The following TCERG1L variants were observed in gnomAD, a reference collection of about 807,000 sequenced individuals.
TCERG1L encodes transcription elongation regulator 1-like protein.
In TCERG1L, 37 loss-of-function variants were observed where a neutral mutation model predicts 56.3. The observed-to-expected ratio is 0.66, with a 90% CI of 0.51 to 0.87. TCERG1L has a LOEUF of 0.87. Among genes scored for constraint, TCERG1L ranks in the 40% least tolerant of loss-of-function variants. TCERG1L has a pLI of 0.00. For synonymous variants in TCERG1L, 324 were observed against 326.3 expected (o/e 0.99, Z 0.08); for missense variants, 799 against 774.2 (o/e 1.03, Z -0.38).
chr10:131,098,816 GGCCTCCCACT>G (rs1341649646), intron 10 of TCERG1L, among the ~76,000 whole-genome samples: 3 of 152,168 alleles, frequency 2.0e-5, no homozygotes, highest in African/African-American at 7.2e-5. Context: ...TGTAACGCGC[GGCCTCCCACT>G]GCCTCATCAC....
intron 11 of TCERG1L, 114 bp downstream of exon 11, chr10:131,098,192 C>T (rs750048524): frequency 3.5e-6 from 4 of 1,134,310 alleles, no homozygotes; most frequent in African/African-American, 1.6e-5. Context: ...CTCACACTTT[C>T]GTGTCTGTGG....
Position 131,311,415 on chromosome 10 carries a change from AGCAGCGGGGCCGCGG to A in TCERG1L, c.206_220del (p.Pro69_Leu73del). ...GGCCGGCCAGCCGGGGAGACCGGGGAGCAGCGGGGCCGCGGGCGGCGGGGCCGAGGCGAGCAGCAC... is the reference window on the plus strand; with the variant it reads ...GGCCGGCCAGCCGGGGAGACCGGGGAGCGGCGGGGCCGAGGCGAGCAGCAC... On this transcript the variant is annotated inframe_deletion, in exon 1 of 12. Coordinates refer to ENST00000368642, the MANE Select transcript of TCERG1L (RefSeq NM_174937.4). The surrounding 1 kb of genome is among the most constrained non-coding windows in gnomAD (Gnocchi z 4.0). 8.5e-7 allele frequency: 1 copy of A among 1,178,432 alleles called. No individual in the cohort carries two copies. The highest frequency in any genetic ancestry group is 1.0e-6 in the Non-Finnish European group (1 of 955,924). The allele number at this position is 1,178,432 out of a possible 1,614,324, so 73.0% of individuals were successfully genotyped here. A position where few individuals can be genotyped will look rare whatever the true frequency, so the allele number is the denominator to read the frequency against.
intron 4 of TCERG1L, among the ~76,000 whole-genome samples, chr10:131,169,152 C>T (rs1328544141): frequency 2.0e-5 from 3 of 152,186 alleles, no homozygotes; most frequent in Admixed American, 6.5e-5. Context: ...GCAGCCTGGA[C>T]ACCGGGTCTC....
chr10:131,227,483 C>G (rs1269344763), intron 4 of TCERG1L, among the ~76,000 whole-genome samples: 1 of 152,190 alleles, frequency 6.6e-6, no homozygotes, highest in African/African-American at 2.4e-5. Context: ...CCACCGCCTC[C>G]CCGCTTCCCC....
At chr10:131,218,233 G>A (rs572998952) in intron 4 of TCERG1L, among the ~76,000 whole-genome samples, 3 of 152,252 alleles carry the variant, frequency 2.0e-5, no homozygotes, top group African/African-American at 4.8e-5. Flanking sequence ...ATAGAGTACC[G>A]TGAGTGCTGT....
chr10:131,274,864 C>T (rs1481701621), intron 3 of TCERG1L, among the ~76,000 whole-genome samples: 2 of 152,206 alleles, frequency 1.3e-5, no homozygotes, highest in Non-Finnish European at 2.9e-5. Flanking sequence ...CTGCCTGCCT[C>T]CATCCACAAT....
chr10:131,235,051 C>T (rs1228998620), intron 4 of TCERG1L, among the ~76,000 whole-genome samples: 1 of 152,146 alleles, frequency 6.6e-6, no homozygotes, highest in East Asian at 1.9e-4. Context: ...TGGTGAGCCT[C>T]TGGACAGTGG....
chr10:131,116,682 T>A (rs1381160450), intron 9 of TCERG1L, 117 bp downstream of exon 9: 2 of 1,370,090 alleles, frequency 1.5e-6, no homozygotes, highest in Non-Finnish European at 2.0e-6. Flanking sequence ...GCCAGGACAG[T>A]CACTCAGCCT....
chr10:131,219,707 A>G (rs979038739), intron 4 of TCERG1L, among the ~76,000 whole-genome samples: 2 of 152,178 alleles, frequency 1.3e-5, no homozygotes, highest in Non-Finnish European at 2.9e-5. Context: ...TCACCGCGGC[A>G]TCCCTGGGGC....
intron 4 of TCERG1L, among the ~76,000 whole-genome samples, chr10:131,220,639 G>A (rs904639997): frequency 6.6e-6 from 1 of 152,172 alleles, no homozygotes; most frequent in Non-Finnish European, 1.5e-5. Flanking sequence ...GCAGGGAGCT[G>A]CTCCCAGGAC....
At chr10:131,146,427 A>G (rs779139377) in intron 7 of TCERG1L, 79 bp downstream of exon 7, 171 of 1,380,030 alleles carry the variant, frequency 1.2e-4, no homozygotes, top group Non-Finnish European at 1.5e-4. Flanking sequence ...AAGAAGAAAC[A>G]TGCTTTCACT....
At position 131,311,219 on chromosome 10, in the gene TCERG1L, A is replaced by T. The variant is rs879737282; in HGVS notation, c.342+75T>A. On this transcript the variant is annotated intron_variant, in intron 1 of 11. Transcript: ENST00000368642. This position sits in a 1 kb window ranked among gnomAD's most constrained non-coding sequence, Gnocchi z 4.0. ...GGAGGGCGCGCGAGCCGGAGGCCAG[A>T]GCCGGGCCGGGCAGGGCGCGCCCAG... is the stretch of plus-strand genomic sequence containing the variant. 28 of 1,107,076 alleles carry T rather than the reference A, an allele frequency of 2.5e-5. No individual in the cohort carries two copies. In the East Asian group the frequency reaches 1.2e-3, roughly 47 times the overall value. The allele number at this position is 1,107,076 out of a possible 1,614,324, so 68.6% of individuals were successfully genotyped here. A position where few individuals can be genotyped will look rare whatever the true frequency, so the allele number is the denominator to read the frequency against.
At chr10:131,126,747 A>G (rs1845569741) in intron 8 of TCERG1L, among the ~76,000 whole-genome samples, 1 of 152,164 alleles carries the variant, frequency 6.6e-6, no homozygotes, top group South Asian at 2.1e-4. Flanking sequence ...GGCTCCAGAG[A>G]GGCAGCACCT....
intron 3 of TCERG1L, among the ~76,000 whole-genome samples, chr10:131,265,283 G>A (rs1310641655): frequency 1.3e-5 from 2 of 152,156 alleles, no homozygotes; most frequent in Non-Finnish European, 2.9e-5. Flanking sequence ...TTTCTTATCT[G>A]TCTCTTTAAG....
At chr10:131,259,942 C>T (rs150630397) in intron 4 of TCERG1L, among the ~76,000 whole-genome samples, 131 of 152,368 alleles carry the variant, frequency 8.6e-4, no homozygotes, top group Non-Finnish European at 1.6e-3. Context: ...GGTGCTTGCA[C>T]TCCCAGACGC....
intron 4 of TCERG1L, among the ~76,000 whole-genome samples, chr10:131,191,316 C>G (rs577080999): frequency 1.4e-5 from 2 of 143,956 alleles, no homozygotes; most frequent in East Asian, 3.9e-4. Context: ...CAAAAGCAAT[C>G]TGCAGATTCA....
intron 6 of TCERG1L, among the ~76,000 whole-genome samples, chr10:131,149,411 G>A (rs1845839494): frequency 2.7e-5 from 4 of 150,490 alleles, no homozygotes; most frequent in African/African-American, 9.7e-5. Flanking sequence ...GGGCCTGCAG[G>A]GAGGCTGTGG....
intron 4 of TCERG1L, among the ~76,000 whole-genome samples, chr10:131,206,143 G>A (rs2918126): frequency 0.5 from 75,528 of 152,204 alleles, 19,425 homozygotes; most frequent in South Asian, 0.62. Flanking sequence ...AAGTACAGGC[G>A]GATTTGAAGG....
At chr10:131,278,389 G>C (rs1842542128) in intron 3 of TCERG1L, among the ~76,000 whole-genome samples, 1 of 147,550 alleles carries the variant, frequency 6.8e-6, no homozygotes. Flanking sequence ...CCAGGCTAGA[G>C]TGCAATGGCC....
Sources: gnomAD v4.1 joint callset for allele counts (sites outside exome capture counted in the v4.1 genomes callset) on GRCh38, gnomAD v4.1.1 for gene constraint, Gnocchi (gnomAD v3.1) non-coding constraint, MANE v1.5 for transcripts, NCBI Gene and HGNC (gene_info 2026-07-23, HGNC 2026-07-21) for gene names.